Variants in TANC2 observed in about 807,000 individuals in gnomAD.
The protein encoded by TANC2 is protein TANC2.
A neutral mutation model predicts 210.5 loss-of-function variants in TANC2; 26 were observed. That is an observed-to-expected ratio of 0.12 (90% CI 0.09 to 0.17). The LOEUF is 0.17. TANC2 is among the 10% of genes least tolerant of loss of function. The pLI, the probability that TANC2 is intolerant of heterozygous loss-of-function variation, is 1.00. For synonymous variants in TANC2, 931 were observed against 967.1 expected (o/e 0.96, Z 0.69); for missense variants, 2,129 against 2,608.9 (o/e 0.82, Z 4.01).
chr17:63,301,300 G>A (rs542709853), intron 9 of TANC2, among the ~76,000 whole-genome samples: 4 of 152,186 alleles, frequency 2.6e-5, no homozygotes, highest in Admixed American at 6.5e-5. Context: ...CATAAAATGA[G>A]TAAAGGAGGA....
intron 2 of TANC2, among the ~76,000 whole-genome samples, chr17:63,057,928 G>A (rs1264334019): frequency 2.0e-5 from 3 of 151,844 alleles, no homozygotes; most frequent in Admixed American, 2.0e-4. Flanking sequence ...GAACAGTTTT[G>A]TATTCTTTTG....
intron 7 of TANC2, among the ~76,000 whole-genome samples, chr17:63,223,472 C>T (rs928651406): frequency 1.3e-5 from 2 of 152,128 alleles, no homozygotes; most frequent in African/African-American, 2.4e-5. Context: ...AGGAGCACAG[C>T]AGCAGTGTAT....
At chr17:63,167,409 CTG>C (rs1234014156) in intron 5 of TANC2, among the ~76,000 whole-genome samples, 4 of 152,176 alleles carry the variant, frequency 2.6e-5, no homozygotes, top group East Asian at 1.9e-4. Context: ...ACATGACAAT[CTG>C]TTCATTAATG....
intron 11 of TANC2, among the ~76,000 whole-genome samples, chr17:63,331,761 T>TA (rs896771739): frequency 3.3e-4 from 50 of 151,786 alleles, no homozygotes; most frequent in African/African-American, 1.2e-3. Context: ...ACTTTGGCAA[T>TA]AAAAAACCAA....
rs368437649 is a variant in TANC2 at position 63,412,078 on chromosome 17, G to A, written c.3846G>A (p.Gly1282=). Residue 1282 remains glycine (G), a synonymous_variant, in exon 23 of 28, where the codon GGG becomes GGA. Transcript: ENST00000689528. The surrounding 1 kb of genome is among the most constrained non-coding windows in gnomAD (Gnocchi z 4.2). ...TGCGCCCTTTGGATAGGGCAGTGGG[G>A]TGCCGGAACACTTCTGTTGTTGTCA... is the stretch of plus-strand genomic sequence containing the variant. The A allele has an allele frequency of 3.1e-6, 5 of 1,613,772 alleles. No individual in the cohort carries two copies. Among genetic ancestry groups the A allele is most frequent in the Admixed American group, 1.7e-5 (1 of 59,998 alleles).
chr17:63,151,394 CAA>C lies in TANC2; in HGVS notation c.433+16_433+17del. 1 of 977,918 alleles carries C rather than the reference CAA, an allele frequency of 1.0e-6. No individual in the cohort carries two copies. The allele number at this position is 977,918 out of a possible 1,614,324, so 60.6% of individuals were successfully genotyped here. A position where few individuals can be genotyped will look rare whatever the true frequency, so the allele number is the denominator to read the frequency against. On this transcript the variant is annotated intron_variant, in intron 5 of 27. Transcript: ENST00000689528. ...CATACTGCCCTGGTAAGCATGCATG[CAA>C]AGTGTCTGCTTTGAAAGAGGGAGGA...
At chr17:63,299,335 G>GA (rs1332273154) in intron 9 of TANC2, among the ~76,000 whole-genome samples, 1 of 152,134 alleles carries the variant, frequency 6.6e-6, no homozygotes, top group Non-Finnish European at 1.5e-5. Context: ...CTAGATCCTT[G>GA]AGGAATCGCC....
At chr17:63,273,542 C>A (rs550732886) in intron 9 of TANC2, among the ~76,000 whole-genome samples, 2 of 152,188 alleles carry the variant, frequency 1.3e-5, no homozygotes, top group East Asian at 1.9e-4. Flanking sequence ...GGCAAATAAC[C>A]TCTTAGTACT....
chr17:63,078,150 T>G (rs916949010), intron 3 of TANC2, among the ~76,000 whole-genome samples: 1 of 152,172 alleles, frequency 6.6e-6, no homozygotes, highest in Non-Finnish European at 1.5e-5. Context: ...GCTTGGAATT[T>G]TATTTGCTGG....
chr17:63,169,164 CACTA>C (rs1378156404), intron 5 of TANC2, among the ~76,000 whole-genome samples: 3 of 152,230 alleles, frequency 2.0e-5, no homozygotes, highest in Non-Finnish European at 4.4e-5. Context: ...CTCCCAAAGA[CACTA>C]ACCCTTTTAC....
At chr17:63,029,533 C>G (rs2034684998) in intron 2 of TANC2, among the ~76,000 whole-genome samples, 1 of 151,828 alleles carries the variant, frequency 6.6e-6, no homozygotes, top group Non-Finnish European at 1.5e-5. Context: ...ATTTACAAAC[C>G]CTTTAGAACA....
intron 8 of TANC2, among the ~76,000 whole-genome samples, chr17:63,251,240 C>T (rs1042939465): frequency 6.6e-6 from 1 of 152,090 alleles, no homozygotes; most frequent in African/African-American, 2.4e-5. Context: ...AGAAGGAGAA[C>T]CAATTAATTC....
chr17:63,164,947 C>T (rs2040160595), intron 5 of TANC2, among the ~76,000 whole-genome samples: 2 of 152,304 alleles, frequency 1.3e-5, no homozygotes, highest in South Asian at 4.2e-4. Context: ...TACTGGCTCT[C>T]TCTTAGCCCA....
chr17:63,211,663 A>G (rs996390662), intron 7 of TANC2, among the ~76,000 whole-genome samples: 1 of 152,150 alleles, frequency 6.6e-6, no homozygotes, highest in East Asian at 1.9e-4. Context: ...AATTTAACAC[A>G]TGGTATTATG....
intron 4 of TANC2, among the ~76,000 whole-genome samples, chr17:63,107,564 CAA>C (rs1471290468): frequency 3.3e-5 from 5 of 151,430 alleles, no homozygotes; most frequent in African/African-American, 9.8e-5. Flanking sequence ...TCATAATAGC[CAA>C]AGAGTGAAAA....
chr17:63,185,297 TG>T (rs1286502004), intron 5 of TANC2, among the ~76,000 whole-genome samples: 1 of 152,068 alleles, frequency 6.6e-6, no homozygotes, highest in Middle Eastern at 3.2e-3. Context: ...TTCACCATGT[TG>T]GCCAGGCTAG....
intron 9 of TANC2, among the ~76,000 whole-genome samples, chr17:63,292,896 G>A (rs925120846): frequency 2.0e-5 from 3 of 152,158 alleles, no homozygotes; most frequent in African/African-American, 7.2e-5. Context: ...GCCTAAGCTT[G>A]CACAGAGATA....
intron 5 of TANC2, among the ~76,000 whole-genome samples, chr17:63,165,329 C>T (rs2040176173): frequency 6.6e-6 from 1 of 152,070 alleles, no homozygotes; most frequent in Non-Finnish European, 1.5e-5. Flanking sequence ...GCCCAAAAAG[C>T]TTTCAAATTG....
At chr17:63,285,622 G>A (rs1318220987) in intron 9 of TANC2, among the ~76,000 whole-genome samples, 3 of 152,172 alleles carry the variant, frequency 2.0e-5, no homozygotes, top group Admixed American at 1.3e-4. Context: ...GCCACATGGT[G>A]CAAGTCTGGA....
Sources: gnomAD v4.1 joint callset for allele counts (sites outside exome capture counted in the v4.1 genomes callset) on GRCh38, gnomAD v4.1.1 for gene constraint, Gnocchi (gnomAD v3.1) non-coding constraint, MANE v1.5 for transcripts, NCBI Gene and HGNC (gene_info 2026-07-23, HGNC 2026-07-21) for gene names.